ARB2A: variants seen among roughly 807,000 people sequenced by gnomAD.
The protein encoded by ARB2A is cotranscriptional regulator ARB2A.
At chr5:93,720,931 T>A in the ARB2A span, among the ~76,000 whole-genome samples, 21 of 152,180 alleles carry the variant, frequency 1.4e-4, no homozygotes, top group Non-Finnish European at 2.8e-4. Context: ...ATACCCACCT[T>A]CATGTGTATA....
At chr5:94,054,530 G>A in the ARB2A span, among the ~76,000 whole-genome samples, 1 of 152,124 alleles carries the variant, frequency 6.6e-6, no homozygotes. Context: ...ATCATGGCAA[G>A]GGGAACATGG....
At chr5:93,938,070 ATT>A in the ARB2A span, among the ~76,000 whole-genome samples, 1 of 152,214 alleles carries the variant, frequency 6.6e-6, no homozygotes, top group African/African-American at 2.4e-5. Context: ...GTAATCTTAA[ATT>A]CCACTGCTCC....
chr5:94,088,151 A>G, the ARB2A span, among the ~76,000 whole-genome samples: 2 of 152,192 alleles, frequency 1.3e-5, no homozygotes, highest in African/African-American at 2.4e-5. Context: ...CAGTTATTCT[A>G]AAAAAGGATA....
the ARB2A span, among the ~76,000 whole-genome samples, chr5:93,827,414 A>G: frequency 6.6e-6 from 1 of 152,090 alleles, no homozygotes; most frequent in African/African-American, 2.4e-5. Flanking sequence ...GTGTCTGTTC[A>G]TATCCTTCGC....
chr5:93,943,739 T>C, the ARB2A span, among the ~76,000 whole-genome samples: 2 of 152,130 alleles, frequency 1.3e-5, no homozygotes, highest in African/African-American at 2.4e-5. Flanking sequence ...TAAAAGTTTA[T>C]TACTGAAATT....
the ARB2A span, among the ~76,000 whole-genome samples, chr5:93,644,812 T>C: frequency 6.6e-6 from 1 of 152,210 alleles, no homozygotes; most frequent in Non-Finnish European, 1.5e-5. Context: ...GCCACGGTGA[T>C]ATGATATGAA....
At chr5:93,676,613 C>T in the ARB2A span, among the ~76,000 whole-genome samples, 12 of 152,216 alleles carry the variant, frequency 7.9e-5, no homozygotes, top group East Asian at 7.7e-4. Context: ...AATACCATAG[C>T]GGGGCGATTC....
At chr5:93,943,478 G>T in the ARB2A span, among the ~76,000 whole-genome samples, 1 of 152,008 alleles carries the variant, frequency 6.6e-6, no homozygotes, top group Non-Finnish European at 1.5e-5. Flanking sequence ...TCCACACTCT[G>T]TTTAGACTAC....
the ARB2A span, among the ~76,000 whole-genome samples, chr5:93,954,326 T>C: frequency 1.3e-5 from 2 of 151,960 alleles, no homozygotes; most frequent in Non-Finnish European, 2.9e-5. Context: ...ATGGGCTCTT[T>C]AGTCAGGTGA....
At chr5:93,831,294 G>A in the ARB2A span, among the ~76,000 whole-genome samples, 5 of 59,224 alleles carry the variant, frequency 8.4e-5, no homozygotes, top group Non-Finnish European at 1.4e-4. Context: ...AAGCCACTCC[G>A]CTGCTAAAAA....
the ARB2A span, among the ~76,000 whole-genome samples, chr5:93,822,271 G>A: frequency 6.6e-6 from 1 of 152,120 alleles, no homozygotes; most frequent in African/African-American, 2.4e-5. Flanking sequence ...AAACATCTGT[G>A]TGCTTTATAT....
At chr5:93,761,507 G>A in the ARB2A span, among the ~76,000 whole-genome samples, 5 of 152,202 alleles carry the variant, frequency 3.3e-5, no homozygotes, top group African/African-American at 1.2e-4. Flanking sequence ...CGAGGCTGGG[G>A]GAAGGGCGCC....
chr5:93,797,983 A>G, the ARB2A span, among the ~76,000 whole-genome samples: 1 of 152,090 alleles, frequency 6.6e-6, no homozygotes, highest in African/African-American at 2.4e-5. Context: ...ATGACATTTG[A>G]GAGAAGTCAA....
At chr5:93,656,478 A>G in the ARB2A span, among the ~76,000 whole-genome samples, 5 of 152,180 alleles carry the variant, frequency 3.3e-5, no homozygotes, top group Non-Finnish European at 5.9e-5. Context: ...AACTGAATTC[A>G]ATGCCACTTT....
At chr5:93,812,153 T>C in the ARB2A span, among the ~76,000 whole-genome samples, 42 of 152,216 alleles carry the variant, frequency 2.8e-4, 1 homozygote, top group Admixed American at 2.7e-3. Flanking sequence ...ATATTTAATA[T>C]GTAGACATAA....
the ARB2A span, among the ~76,000 whole-genome samples, chr5:93,708,226 C>T: frequency 6.6e-6 from 1 of 152,158 alleles, no homozygotes; most frequent in Non-Finnish European, 1.5e-5. Flanking sequence ...TATAGTCATC[C>T]ACCTTCATAA....
chr5:94,111,455 T>A, the ARB2A span: 6 of 153,260 alleles, frequency 3.9e-5, no homozygotes, highest in Admixed American at 3.9e-4. Context: ...AGCCCCCTCC[T>A]GATTTCGACC....
chr5:93,935,485 T>C, the ARB2A span, among the ~76,000 whole-genome samples: 1 of 152,202 alleles, frequency 6.6e-6, no homozygotes, highest in African/African-American at 2.4e-5. Context: ...AACATGCTTA[T>C]GGGCATGCAC....
the ARB2A span, among the ~76,000 whole-genome samples, chr5:93,819,308 A>G: frequency 6.6e-6 from 1 of 151,966 alleles, no homozygotes; most frequent in Non-Finnish European, 1.5e-5. Context: ...GAGCAGTATT[A>G]GACTCTTTAT....
Sources: allele counts gnomAD v4.1 joint callset (sites outside exome capture counted in the v4.1 genomes callset), GRCh38; gene constraint gnomAD v4.1.1; transcripts MANE v1.5; gene names NCBI Gene and HGNC (gene_info 2026-07-23, HGNC 2026-07-21).